Variants in MAD1L1 observed in about 807,000 individuals in gnomAD.
The protein encoded by MAD1L1 is mitotic arrest deficient 1 like 1, also known as mitotic spindle assembly checkpoint protein MAD1.
A neutral mutation model predicts 96.9 loss-of-function variants in MAD1L1; 95 were observed. That is an observed-to-expected ratio of 0.98 (90% CI 0.83 to 1.16). The LOEUF (loss-of-function observed/expected upper bound fraction) is 1.16. Ranked by LOEUF, MAD1L1 falls within the 50% of genes most tolerant of loss-of-function variation. The pLI is 0.00. For synonymous variants in MAD1L1, 473 were observed against 396.6 expected, an observed-to-expected ratio of 1.19 and a Z score of -2.29; for missense variants, 1,007 against 954.4, an observed-to-expected ratio of 1.06 and a Z score of -0.73.
intron 12 of MAD1L1, among the ~76,000 whole-genome samples, chr7:2,028,655 C>G (rs1783088985): frequency 6.6e-6 from 1 of 152,042 alleles, no homozygotes; most frequent in South Asian, 2.1e-4. Flanking sequence ...GAGGGCCACC[C>G]TATCAGGTAA....
At chr7:2,051,433 C>A (rs1276015945) in intron 12 of MAD1L1, among the ~76,000 whole-genome samples, 1 of 152,200 alleles carries the variant, frequency 6.6e-6, no homozygotes, top group African/African-American at 2.4e-5. Flanking sequence ...CTCCTGGGAT[C>A]TGGATGAAGT....
intron 11 of MAD1L1, among the ~76,000 whole-genome samples, chr7:2,139,987 C>CA (rs1788945720): frequency 6.7e-6 from 1 of 148,712 alleles, no homozygotes; most frequent in Non-Finnish European, 1.5e-5. Context: ...ACTATCTGGA[C>CA]CCCGCCCCCC....
At chr7:1,850,395 C>T (rs1783904680) in intron 18 of MAD1L1, among the ~76,000 whole-genome samples, 1 of 152,234 alleles carries the variant, frequency 6.6e-6, no homozygotes, top group Non-Finnish European at 1.5e-5. Flanking sequence ...GCTGCCTGGG[C>T]CCAGCTCAGC....
intron 13 of MAD1L1, among the ~76,000 whole-genome samples, chr7:2,012,175 G>A (rs1038582391): frequency 2.4e-4 from 36 of 152,292 alleles, no homozygotes; most frequent in African/African-American, 8.2e-4. Flanking sequence ...GGGCAAGCAC[G>A]GTGCCCAAAC....
intron 18 of MAD1L1, among the ~76,000 whole-genome samples, chr7:1,827,368 A>T (rs1336399412): frequency 7.2e-5 from 11 of 152,164 alleles, no homozygotes; most frequent in Non-Finnish European, 1.6e-4. Context: ...GAGCTGCAGC[A>T]CAGCCCTCGC....
At chr7:1,963,126 T>C (rs549056394) in intron 15 of MAD1L1, among the ~76,000 whole-genome samples, 1 of 152,334 alleles carries the variant, frequency 6.6e-6, no homozygotes, top group South Asian at 2.1e-4. Flanking sequence ...AGTCGATTTC[T>C]ACATGGGACT....
At chr7:2,078,755 G>A (rs1035861934) in intron 11 of MAD1L1, among the ~76,000 whole-genome samples, 2 of 152,222 alleles carry the variant, frequency 1.3e-5, no homozygotes, top group Non-Finnish European at 2.9e-5. Flanking sequence ...TGAGGAGGAA[G>A]GGGCTCAGAG....
At chr7:2,183,755 G>T (rs1161609131) in intron 10 of MAD1L1, among the ~76,000 whole-genome samples, 1 of 152,054 alleles carries the variant, frequency 6.6e-6, no homozygotes, top group Non-Finnish European at 1.5e-5. Context: ...ACTGTCGTGG[G>T]GTGGGGGGAG....
intron 18 of MAD1L1, among the ~76,000 whole-genome samples, chr7:1,889,083 C>G (rs1044718735): frequency 2.6e-5 from 4 of 152,216 alleles, no homozygotes; most frequent in Admixed American, 2.0e-4. Context: ...TACATACTGG[C>G]CAAGGTCACT....
chr7:2,219,320 G>T lies in MAD1L1; in HGVS notation c.596+12C>A. On this transcript the variant is annotated intron_variant, in intron 6 of 18. Transcript: ENST00000265854. ...GACCCGACCCCCGACCCCACACCCT[G>T]GCCCCGCCCACTTGTGTTGCAGGTC... 6.4e-7 allele frequency: 1 copy of T among 1,553,616 alleles called. No individual in the cohort carries two copies. Among genetic ancestry groups the T allele is most frequent in the Non-Finnish European group, 8.7e-7 (1 of 1,150,222 alleles).
chr7:2,071,945 C>T (rs12536239), intron 11 of MAD1L1, among the ~76,000 whole-genome samples: 7,666 of 152,284 alleles, frequency 0.05, 325 homozygotes, highest in East Asian at 0.12. Context: ...CCCCACATCT[C>T]GCCCTGCGCA....
chr7:2,217,958 T>G lies in MAD1L1; in HGVS notation c.678+4A>C. On this transcript the variant is annotated splice_donor_region_variant and intron_variant, in intron 7 of 18. Transcript: ENST00000265854. ...CCACAAGGCACTGACAGGGAGTGACTCACCTTAATCTGCTGCTCGTGGTCT... is the reference window on the plus strand; with the variant it reads ...CCACAAGGCACTGACAGGGAGTGACGCACCTTAATCTGCTGCTCGTGGTCT... 6.2e-7 allele frequency: 1 copy of G among 1,612,052 alleles called. No individual in the cohort carries two copies.
chr7:1,938,374 G>C (rs962285361), intron 16 of MAD1L1, among the ~76,000 whole-genome samples: 7 of 152,086 alleles, frequency 4.6e-5, no homozygotes, highest in Non-Finnish European at 1.0e-4. Context: ...AGTAGACACA[G>C]GTTACTCAAA....
chr7:1,832,642 G>GGGGGGGGGT (rs1782761338), intron 18 of MAD1L1, among the ~76,000 whole-genome samples: 3 of 51,806 alleles, frequency 5.8e-5, no homozygotes, highest in African/African-American at 3.1e-4. Flanking sequence ...GCGGGGGGGG[G>GGGGGGGGGT]GGGGGTGGGG....
chr7:2,027,985 T>C (rs968947766), intron 12 of MAD1L1, among the ~76,000 whole-genome samples: 6 of 152,240 alleles, frequency 3.9e-5, no homozygotes, highest in Admixed American at 1.3e-4. Context: ...TAAGTAGATT[T>C]AGCAATGCTG....
At chr7:2,173,535 T>C (rs1440115767) in intron 10 of MAD1L1, among the ~76,000 whole-genome samples, 1 of 152,230 alleles carries the variant, frequency 6.6e-6, no homozygotes, top group Non-Finnish European at 1.5e-5. Context: ...CCTGGCTCTT[T>C]AAACTGTTCA....
chr7:2,225,756 G>C (rs1338457481), intron 3 of MAD1L1, among the ~76,000 whole-genome samples: 2 of 152,216 alleles, frequency 1.3e-5, no homozygotes, highest in African/African-American at 2.4e-5. Context: ...GGAAGAGGAA[G>C]ACGTCTTTTG....
intron 18 of MAD1L1, among the ~76,000 whole-genome samples, chr7:1,845,015 A>C (rs754585408): frequency 6.6e-6 from 1 of 152,156 alleles, no homozygotes; most frequent in Non-Finnish European, 1.5e-5. Flanking sequence ...AGGCTCCTGG[A>C]CTCACAGTGG....
intron 12 of MAD1L1, among the ~76,000 whole-genome samples, chr7:2,052,445 A>G (rs865910348): frequency 2.0e-5 from 3 of 149,802 alleles, no homozygotes; most frequent in Middle Eastern, 6.8e-3. Flanking sequence ...CACAGCAGGC[A>G]GGGAGGGCGC....
Sources: gnomAD v4.1 joint callset for allele counts (sites outside exome capture counted in the v4.1 genomes callset) on GRCh38, gnomAD v4.1.1 for gene constraint, MANE v1.5 for transcripts, NCBI Gene and HGNC (gene_info 2026-07-23, HGNC 2026-07-21) for gene names.